CCDC178: variants seen among roughly 807,000 people sequenced by gnomAD.
CCDC178 encodes coiled-coil domain containing 178.
A neutral mutation model predicts 117.4 loss-of-function variants in CCDC178; 126 were observed. The observed-to-expected ratio is 1.07, with a 90% CI of 0.93 to 1.24. The LOEUF is 1.24. CCDC178 is among the 50% of genes most tolerant of loss of function. The probability of loss-of-function intolerance (pLI) is 0.00; values close to 1 mark genes in which losing one functional copy is unlikely to be tolerated. For missense variants in CCDC178, 1,030 were observed against 986.9 expected, an observed-to-expected ratio of 1.04 and a Z score of -0.59; for synonymous variants, 283 against 313.4, an observed-to-expected ratio of 0.90 and a Z score of 1.02.
At chr18:33,354,585 T>G (rs912279828) in intron 7 of CCDC178, among the ~76,000 whole-genome samples, 2 of 151,798 alleles carry the variant, frequency 1.3e-5, no homozygotes, top group African/African-American at 4.8e-5. Context: ...TTAATTTCAG[T>G]TAGTTTATTT....
intron 20 of CCDC178, among the ~76,000 whole-genome samples, chr18:33,131,725 T>G (rs1480898873): frequency 6.6e-6 from 1 of 151,716 alleles, no homozygotes; most frequent in Non-Finnish European, 1.5e-5. Context: ...ACTTCTGGCA[T>G]TACTTAACCT....
intron 19 of CCDC178, among the ~76,000 whole-genome samples, chr18:33,212,752 C>T (rs1284379210): frequency 6.6e-6 from 1 of 151,770 alleles, no homozygotes; most frequent in Non-Finnish European, 1.5e-5. Context: ...TTATCATTTG[C>T]AATTAAACAC....
chr18:33,149,457 T>C (rs542628236), intron 20 of CCDC178, among the ~76,000 whole-genome samples: 2 of 152,216 alleles, frequency 1.3e-5, no homozygotes, highest in Non-Finnish European at 2.9e-5. Context: ...TGAAGATCCT[T>C]GAAGCCTTTC....
intron 7 of CCDC178, among the ~76,000 whole-genome samples, chr18:33,352,363 T>C (rs1485348898): frequency 1.3e-5 from 2 of 152,142 alleles, no homozygotes; most frequent in African/African-American, 2.4e-5. Context: ...ATTGCTCTTT[T>C]CAAAGAAAAA....
intron 10 of CCDC178, 93 bp downstream of exon 10, chr18:33,333,081 A>C (rs2062691246): frequency 1.5e-6 from 1 of 670,842 alleles, no homozygotes; most frequent in East Asian, 2.8e-5. Context: ...AAAAAAAAAA[A>C]AACCTTTAAA....
At chr18:32,965,871 A>G (rs1206133111) in intron 22 of CCDC178, among the ~76,000 whole-genome samples, 1 of 150,194 alleles carries the variant, frequency 6.7e-6, no homozygotes, top group African/African-American at 2.4e-5. Flanking sequence ...TTATTCATAT[A>G]TGAAACTTGA....
At chr18:33,206,652 A>G (rs2059048053) in intron 20 of CCDC178, among the ~76,000 whole-genome samples, 1 of 152,098 alleles carries the variant, frequency 6.6e-6, no homozygotes, top group East Asian at 1.9e-4. Context: ...ATTAGTAAAC[A>G]CTGATCACAC....
At chr18:33,032,050 C>G (rs1168548791) in intron 21 of CCDC178, among the ~76,000 whole-genome samples, 1 of 152,032 alleles carries the variant, frequency 6.6e-6, no homozygotes, top group Non-Finnish European at 1.5e-5. Context: ...GCAAAAATAA[C>G]CAATGGTAGG....
At chr18:33,249,830 T>A (rs538429576) in intron 14 of CCDC178, among the ~76,000 whole-genome samples, 2 of 152,210 alleles carry the variant, frequency 1.3e-5, no homozygotes, top group East Asian at 3.9e-4. Flanking sequence ...TTGATGGGGA[T>A]GGCATTGAAT....
intron 18 of CCDC178, among the ~76,000 whole-genome samples, chr18:33,219,474 C>T (rs1368120482): frequency 6.6e-6 from 1 of 152,112 alleles, no homozygotes; most frequent in South Asian, 2.1e-4. Flanking sequence ...GACACATTCA[C>T]ACGTATGTTT....
chr18:33,162,477 G>T (rs1266389557), intron 20 of CCDC178, among the ~76,000 whole-genome samples: 4 of 152,018 alleles, frequency 2.6e-5, no homozygotes, highest in South Asian at 2.1e-4. Context: ...GTACAGGTTT[G>T]TTATACAGGT....
chr18:33,119,537 A>T (rs2057906422), intron 20 of CCDC178, among the ~76,000 whole-genome samples: 1 of 152,134 alleles, frequency 6.6e-6, no homozygotes, highest in Non-Finnish European at 1.5e-5. Flanking sequence ...AGGAAACAAC[A>T]GGTGCTGGAG....
At chr18:33,429,681 T>C (rs557697724) in intron 2 of CCDC178, among the ~76,000 whole-genome samples, 1 of 152,296 alleles carries the variant, frequency 6.6e-6, no homozygotes, top group Admixed American at 6.5e-5. Flanking sequence ...GAAACTTTCC[T>C]AATGAAATAA....
intron 11 of CCDC178, among the ~76,000 whole-genome samples, chr18:33,304,234 C>A (rs2062218846): frequency 6.6e-6 from 1 of 152,182 alleles, no homozygotes. Flanking sequence ...TTTACCATGA[C>A]TGGCAAGGAC....
chr18:33,217,760 A>G (rs1416236234), intron 18 of CCDC178, among the ~76,000 whole-genome samples: 2 of 151,952 alleles, frequency 1.3e-5, no homozygotes, highest in Non-Finnish European at 2.9e-5. Context: ...TTTGTCATTG[A>G]TTTCTGATTT....
At chr18:33,321,187 C>T (rs1259444285) in intron 11 of CCDC178, among the ~76,000 whole-genome samples, 1 of 152,166 alleles carries the variant, frequency 6.6e-6, no homozygotes, top group African/African-American at 2.4e-5. Flanking sequence ...TGGGCAAGGA[C>T]TTCATGTCTA....
intron 9 of CCDC178, among the ~76,000 whole-genome samples, chr18:33,344,798 C>T (rs1260597976): frequency 1.6e-5 from 2 of 123,224 alleles, no homozygotes; most frequent in African/African-American, 6.4e-5. Flanking sequence ...CTCATTGCCT[C>T]TAAAGCACAC....
chr18:33,125,833 C>G (rs1598909040), intron 20 of CCDC178, among the ~76,000 whole-genome samples: 1 of 152,150 alleles, frequency 6.6e-6, no homozygotes, highest in South Asian at 2.1e-4. Context: ...CTTGACTCAG[C>G]TGAAATGCAG....
intron 22 of CCDC178, among the ~76,000 whole-genome samples, chr18:32,955,645 A>C (rs568744630): frequency 1.3e-4 from 20 of 152,260 alleles, no homozygotes. Context: ...ACACACACAT[A>C]CACTCCCAGA....
Sources: allele counts gnomAD v4.1 joint callset (sites outside exome capture counted in the v4.1 genomes callset), GRCh38; gene constraint gnomAD v4.1.1; transcripts MANE v1.5; gene names NCBI Gene and HGNC (gene_info 2026-07-23, HGNC 2026-07-21).